The following EPHA3 variants were observed in gnomAD, a reference collection of about 807,000 sequenced individuals.
EPHA3 encodes the protein ephrin type-A receptor 3.
In EPHA3, 42 loss-of-function variants were observed where a neutral mutation model predicts 107.1. That is an observed-to-expected ratio of 0.39 (90% CI 0.31 to 0.51). EPHA3 has a LOEUF of 0.51. Among genes scored for constraint, EPHA3 ranks in the 20% least tolerant of loss-of-function variants. EPHA3 has a pLI of 0.78. For missense variants in EPHA3, 1,183 were observed against 1,211.2 expected (o/e 0.98, Z 0.35); for synonymous variants, 461 against 424.8 (o/e 1.09, Z -1.05).
intron 2 of EPHA3, among the ~76,000 whole-genome samples, chr3:89,153,314 C>T (rs151001581): frequency 6.6e-6 from 1 of 152,172 alleles, no homozygotes; most frequent in Non-Finnish European, 1.5e-5. Flanking sequence ...GCGGGTCCTT[C>T]TTCATTGACT....
intron 2 of EPHA3, among the ~76,000 whole-genome samples, chr3:89,146,760 G>C (rs1345012550): frequency 2.6e-5 from 4 of 151,858 alleles, no homozygotes; most frequent in African/African-American, 9.7e-5. Context: ...TTCTTCTAGG[G>C]TTTTTATAGT....
At chr3:89,164,974 C>T (rs1180127925) in intron 2 of EPHA3, among the ~76,000 whole-genome samples, 1 of 152,160 alleles carries the variant, frequency 6.6e-6, no homozygotes, top group Non-Finnish European at 1.5e-5. Flanking sequence ...ATTGCTGAGT[C>T]AGGGTTTTCA....
At chr3:89,402,664 C>T (rs1708987895) in intron 7 of EPHA3, among the ~76,000 whole-genome samples, 1 of 150,658 alleles carries the variant, frequency 6.6e-6, no homozygotes, top group African/African-American at 2.4e-5. Context: ...TTGCTTTTTC[C>T]CTCTCGTTTT....
intron 15 of EPHA3, among the ~76,000 whole-genome samples, chr3:89,467,649 A>T (rs1218276883): frequency 6.6e-6 from 1 of 152,070 alleles, no homozygotes; most frequent in Non-Finnish European, 1.5e-5. Context: ...ACCTATTTAC[A>T]GCTAAAATAG....
At chr3:89,436,038 G>A (rs1709664277) in intron 13 of EPHA3, among the ~76,000 whole-genome samples, 2 of 151,808 alleles carry the variant, frequency 1.3e-5, no homozygotes, top group Non-Finnish European at 2.9e-5. Context: ...CTACTCAGGA[G>A]GCTGAGGTGG....
chr3:89,143,718 T>C (rs941804417), intron 2 of EPHA3, among the ~76,000 whole-genome samples: 52 of 151,768 alleles, frequency 3.4e-4, no homozygotes, highest in African/African-American at 1.2e-3. Flanking sequence ...TAAGAATTTA[T>C]GTAGGTACAT....
intron 5 of EPHA3, among the ~76,000 whole-genome samples, chr3:89,364,838 T>C (rs765379995): frequency 2.6e-5 from 4 of 151,068 alleles, no homozygotes; most frequent in Non-Finnish European, 5.9e-5. Context: ...TACTGAGTTA[T>C]CTTTTCTTCT....
chr3:89,445,143 C>G lies in EPHA3; in HGVS notation c.2347-4082C>G, dbSNP rs1242135170. 3.3e-5 allele frequency among the ~76,000 whole-genome samples: 5 copies of G among 152,044 alleles called. No individual in the cohort carries two copies. In the East Asian group the frequency reaches 9.7e-4, roughly 29 times the overall value. The stretch of plus-strand genomic sequence containing the variant: ...TAGCCAGGCTTGGTGGCGCACACCT[C>G]TAATCCCAGCTACTAAGGAGGCTGA... On this transcript the variant is annotated intron_variant, in intron 13 of 16. Transcript: ENST00000336596.
intron 15 of EPHA3, among the ~76,000 whole-genome samples, chr3:89,453,715 T>G (rs567081898): frequency 6.6e-6 from 1 of 152,194 alleles, no homozygotes; most frequent in Admixed American, 6.5e-5. Context: ...CTTTTGACAA[T>G]GATTATTTCA....
chr3:89,144,958 A>G (rs1704504800), intron 2 of EPHA3, among the ~76,000 whole-genome samples: 1 of 151,778 alleles, frequency 6.6e-6, no homozygotes, highest in Admixed American at 6.6e-5. Context: ...TCGTTCTTAT[A>G]GTATCAATAG....
chr3:89,192,088 G>A (rs1242327028), intron 2 of EPHA3, among the ~76,000 whole-genome samples: 1 of 152,072 alleles, frequency 6.6e-6, no homozygotes, highest in African/African-American at 2.4e-5. Flanking sequence ...TTTTTAACTT[G>A]TAGGTTGGTT....
At chr3:89,401,614 C>T (rs1357605118) in intron 7 of EPHA3, among the ~76,000 whole-genome samples, 3 of 152,042 alleles carry the variant, frequency 2.0e-5, no homozygotes, top group African/African-American at 7.2e-5. Context: ...CTCAAAATCT[C>T]TTTCTTTTTT....
intron 3 of EPHA3, among the ~76,000 whole-genome samples, chr3:89,243,004 G>A (rs1405782838): frequency 6.7e-6 from 1 of 148,586 alleles, no homozygotes; most frequent in African/African-American, 2.5e-5. Context: ...AACATGCGGT[G>A]TTTGGTTTTC....
chr3:89,206,342 T>C (rs1464073181), intron 2 of EPHA3, among the ~76,000 whole-genome samples: 2 of 152,232 alleles, frequency 1.3e-5, no homozygotes, highest in Non-Finnish European at 2.9e-5. Flanking sequence ...CAATATGTTC[T>C]GTTTGATGTC....
intron 3 of EPHA3, among the ~76,000 whole-genome samples, chr3:89,331,314 G>C (rs149819257): frequency 1.3e-5 from 2 of 152,152 alleles, no homozygotes; most frequent in African/African-American, 4.8e-5. Context: ...GAATAAGAAA[G>C]TACAAACAAC....
At chr3:89,458,503 T>C (rs994765180) in intron 15 of EPHA3, among the ~76,000 whole-genome samples, 6 of 152,080 alleles carry the variant, frequency 3.9e-5, no homozygotes, top group African/African-American at 1.2e-4. Context: ...AGTTAAATAA[T>C]AGAAGGATTT....
intron 9 of EPHA3, among the ~76,000 whole-genome samples, chr3:89,411,161 AT>A (rs1675674585): frequency 1.3e-5 from 2 of 151,750 alleles, no homozygotes; most frequent in Non-Finnish European, 2.9e-5. Context: ...TTTGAATAGT[AT>A]AGCTTTTTTT....
At chr3:89,193,442 C>T (rs965138053) in intron 2 of EPHA3, among the ~76,000 whole-genome samples, 1 of 152,124 alleles carries the variant, frequency 6.6e-6, no homozygotes, top group Admixed American at 6.5e-5. Context: ...CATCCTTGAT[C>T]ATTTTGATGT....
At chr3:89,203,597 C>A (rs1169313185) in intron 2 of EPHA3, among the ~76,000 whole-genome samples, 1 of 150,924 alleles carries the variant, frequency 6.6e-6, no homozygotes, top group Non-Finnish European at 1.5e-5. Context: ...CACGGTGAAA[C>A]CCCGTCTCTA....
Sources: allele counts gnomAD v4.1 joint callset (sites outside exome capture counted in the v4.1 genomes callset), GRCh38; gene constraint gnomAD v4.1.1; transcripts MANE v1.5; gene names NCBI Gene and HGNC (gene_info 2026-07-23, HGNC 2026-07-21).